Variants in SBF2 observed in about 807,000 individuals in gnomAD.
The protein encoded by SBF2 is myotubularin-related protein 13.
In SBF2, 112 loss-of-function variants were observed where a neutral mutation model predicts 225.2. The observed-to-expected ratio is 0.50, with a 90% CI of 0.43 to 0.58. The LOEUF is 0.58. Ranked by LOEUF, SBF2 falls within the 20% of genes least tolerant of loss-of-function variation. The pLI, the probability that SBF2 is intolerant of heterozygous loss-of-function variation, is 0.00. For missense variants in SBF2, 1,996 were observed against 2,206.2 expected, an observed-to-expected ratio of 0.90 and a Z score of 1.91; for synonymous variants, 763 against 773.3, an observed-to-expected ratio of 0.99 and a Z score of 0.22.
At chr11:9,821,934 CTA>C (rs1312857269) in intron 28 of SBF2, among the ~76,000 whole-genome samples, 4 of 152,202 alleles carry the variant, frequency 2.6e-5, no homozygotes, top group Non-Finnish European at 4.4e-5. Flanking sequence ...CATATGCCTT[CTA>C]TCTCTTGCCT....
chr11:10,288,331 T>C (rs377674307), intron 1 of SBF2, among the ~76,000 whole-genome samples: 1 of 152,190 alleles, frequency 6.6e-6, no homozygotes, highest in South Asian at 2.1e-4. Context: ...AAAGAGGAAC[T>C]TTACTGAGCA....
At chr11:10,221,902 G>GAATC (rs1958352258) in intron 1 of SBF2, among the ~76,000 whole-genome samples, 2 of 152,154 alleles carry the variant, frequency 1.3e-5, no homozygotes, top group African/African-American at 4.8e-5. Flanking sequence ...CTATCTTGAA[G>GAATC]AATCAAAGGA....
chr11:9,955,456 C>G (rs1244441991), intron 16 of SBF2, among the ~76,000 whole-genome samples: 2 of 151,948 alleles, frequency 1.3e-5, no homozygotes, highest in Admixed American at 1.3e-4. Context: ...AGTAGCTGAA[C>G]AGTGTTCTAA....
At chr11:9,915,639 T>C (rs1174374797) in intron 16 of SBF2, 1 of 151,880 alleles carries the variant, frequency 6.6e-6, no homozygotes, top group Non-Finnish European at 1.5e-5. Context: ...AAGGTTCCTG[T>C]GAGAAAAAAG....
intron 1 of SBF2, among the ~76,000 whole-genome samples, chr11:10,265,979 C>A (rs1417285265): frequency 6.6e-6 from 1 of 152,164 alleles, no homozygotes; most frequent in Non-Finnish European, 1.5e-5. Flanking sequence ...CTTGGTCTCC[C>A]AAAGTGCTGG....
chr11:10,246,327 G>A (rs550117101), intron 1 of SBF2, among the ~76,000 whole-genome samples: 27 of 151,988 alleles, frequency 1.8e-4, no homozygotes, highest in South Asian at 2.1e-4. Context: ...TCTTGTCACC[G>A]AGGTGGAGTG....
chr11:9,939,933 T>C (rs1322860979), intron 16 of SBF2, among the ~76,000 whole-genome samples: 3 of 152,216 alleles, frequency 2.0e-5, no homozygotes, highest in Non-Finnish European at 2.9e-5. Flanking sequence ...AGTGATGTCA[T>C]ATATTTTTAA....
intron 2 of SBF2, among the ~76,000 whole-genome samples, chr11:10,104,717 G>C (rs1952475471): frequency 6.6e-6 from 1 of 152,154 alleles, no homozygotes; most frequent in Non-Finnish European, 1.5e-5. Context: ...TCTAGGTGGG[G>C]AGACAGATTC....
At chr11:9,884,393 A>T (rs983275689) in intron 17 of SBF2, among the ~76,000 whole-genome samples, 20 of 149,992 alleles carry the variant, frequency 1.3e-4, no homozygotes, top group Admixed American at 3.3e-4. Context: ...TTTAAAAAAA[A>T]TGTGGTTTTA....
At chr11:10,175,150 C>T (rs1038674105) in intron 2 of SBF2, among the ~76,000 whole-genome samples, 1 of 149,428 alleles carries the variant, frequency 6.7e-6, no homozygotes, top group African/African-American at 2.4e-5. Flanking sequence ...GGATCAAATT[C>T]ACACATAACA....
chr11:9,835,694 T>C (rs980722323), intron 26 of SBF2, among the ~76,000 whole-genome samples: 10 of 151,526 alleles, frequency 6.6e-5, no homozygotes, highest in African/African-American at 1.5e-4. Flanking sequence ...TTGCTTCTTT[T>C]TGAATTCTAG....
At chr11:10,172,044 C>T (rs1287295532) in intron 2 of SBF2, among the ~76,000 whole-genome samples, 1 of 151,896 alleles carries the variant, frequency 6.6e-6, no homozygotes, top group South Asian at 2.1e-4. Context: ...TTTTCTTACT[C>T]AGGCTAAAGG....
At chr11:10,082,324 A>G (rs1293246934) in intron 2 of SBF2, among the ~76,000 whole-genome samples, 3 of 152,206 alleles carry the variant, frequency 2.0e-5, no homozygotes, top group Non-Finnish European at 4.4e-5. Context: ...TACCAGTCCT[A>G]CTAAAACTGT....
At chr11:10,227,386 A>G (rs545353908) in intron 1 of SBF2, among the ~76,000 whole-genome samples, 1 of 152,284 alleles carries the variant, frequency 6.6e-6, no homozygotes. Flanking sequence ...TTAGACATGA[A>G]GTCCTTGCCC....
intron 29 of SBF2, among the ~76,000 whole-genome samples, chr11:9,816,127 A>C (rs1031525619): frequency 6.6e-6 from 1 of 152,230 alleles, no homozygotes; most frequent in Non-Finnish European, 1.5e-5. Flanking sequence ...GTAGTAATGA[A>C]ATTTATTTTG....
intron 1 of SBF2, among the ~76,000 whole-genome samples, chr11:10,246,429 G>A (rs572970791): frequency 7.9e-5 from 12 of 152,150 alleles, no homozygotes; most frequent in African/African-American, 2.7e-4. Flanking sequence ...GGTTACAAGC[G>A]TTTGCCACCA....
chr11:10,054,013 T>C (rs1181774966), intron 2 of SBF2, among the ~76,000 whole-genome samples: 1 of 152,170 alleles, frequency 6.6e-6, no homozygotes, highest in African/African-American at 2.4e-5. Flanking sequence ...CTCAAACATT[T>C]TGTTTTTACA....
At chr11:9,994,340 T>A (rs935476252) in intron 9 of SBF2, among the ~76,000 whole-genome samples, 2 of 151,106 alleles carry the variant, frequency 1.3e-5, no homozygotes, top group African/African-American at 4.9e-5. Flanking sequence ...CCGGGCGTGG[T>A]GGTGGGCGCC....
At chr11:9,827,239 G>C (rs779346046) in intron 28 of SBF2, among the ~76,000 whole-genome samples, 1 of 152,058 alleles carries the variant, frequency 6.6e-6, no homozygotes, top group Non-Finnish European at 1.5e-5. Flanking sequence ...TCACAGTTGA[G>C]ATATCTGGGG....
Sources: allele counts gnomAD v4.1 joint callset (sites outside exome capture counted in the v4.1 genomes callset), GRCh38; gene constraint gnomAD v4.1.1; transcripts MANE v1.5; gene names NCBI Gene and HGNC (gene_info 2026-07-23, HGNC 2026-07-21).